DCAF10: variants seen among roughly 807,000 people sequenced by gnomAD.
The protein encoded by DCAF10 is DDB1 and CUL4 associated factor 10, also known as DDB1- and CUL4-associated factor 10.
A neutral mutation model predicts 51.9 loss-of-function variants in DCAF10; 19 were observed. The ratio of observed to expected loss-of-function variants is 0.37; its 90% CI spans 0.26 to 0.54. DCAF10 has a LOEUF of 0.54. Ranked by LOEUF, DCAF10 falls within the 20% of genes least tolerant of loss-of-function variation. The pLI, the probability that DCAF10 is intolerant of heterozygous loss-of-function variation, is 0.87. For missense variants in DCAF10, 510 were observed against 730.6 expected (o/e 0.70, Z 3.48); for synonymous variants, 291 against 297.1 (o/e 0.98, Z 0.21).
chr9:37,807,791 T>G (rs1829167484), intron 1 of DCAF10, among the ~76,000 whole-genome samples: 1 of 151,594 alleles, frequency 6.6e-6, no homozygotes, highest in South Asian at 2.1e-4. Context: ...GCCTCCCAAG[T>G]AGCCGGGATT....
At chr9:37,838,465 A>T (rs911026006) in intron 2 of DCAF10, among the ~76,000 whole-genome samples, 1 of 152,192 alleles carries the variant, frequency 6.6e-6, no homozygotes, top group African/African-American at 2.4e-5. Flanking sequence ...ACTTAGCAAT[A>T]TGTTTTTCTG....
intron 2 of DCAF10, among the ~76,000 whole-genome samples, chr9:37,835,785 A>G (rs762592156): frequency 5.9e-5 from 9 of 152,244 alleles, no homozygotes; most frequent in Non-Finnish European, 1.2e-4. Context: ...TAAATCTATA[A>G]GGGAAAGATG....
chr9:37,811,455 C>T (rs1368014875), intron 1 of DCAF10, among the ~76,000 whole-genome samples: 1 of 152,046 alleles, frequency 6.6e-6, no homozygotes, highest in Admixed American at 6.6e-5. Context: ...AGAAAATCAG[C>T]AAACAATAGA....
At chr9:37,816,472 C>G (rs1257825457) in intron 1 of DCAF10, among the ~76,000 whole-genome samples, 1 of 152,164 alleles carries the variant, frequency 6.6e-6, no homozygotes, top group Non-Finnish European at 1.5e-5. Context: ...TGCCTGTAAT[C>G]CCAGCTACTT....
intron 2 of DCAF10, among the ~76,000 whole-genome samples, chr9:37,835,322 T>TA (rs1830126174): frequency 1.3e-5 from 2 of 152,062 alleles, no homozygotes; most frequent in Non-Finnish European, 2.9e-5. Flanking sequence ...CTCACGCTTG[T>TA]AATCCCAGCA....
Position 37,800,864 on chromosome 9 carries a change from A to G in DCAF10, c.-3A>G, listed in dbSNP as rs1192721967. The G allele has an allele frequency of 4.7e-6, 7 of 1,490,724 alleles. No individual in the cohort carries two copies. Among genetic ancestry groups the G allele is most frequent in the Non-Finnish European group, 6.2e-6 (7 of 1,127,114 alleles). 92.3% of individuals were successfully genotyped at this position (1,490,724 alleles called of 1,614,324 possible). A position where few individuals can be genotyped will look rare whatever the true frequency, so the allele number is the denominator to read the frequency against. On this transcript the variant is annotated 5_prime_UTR_variant, in exon 1 of 7. Transcript: ENST00000377724. The stretch of plus-strand genomic sequence containing the variant: ...CCCGGAGCGGGGGGCGGGGGCGTTG[A>G]TCATGTTTCCCTTTGGGCCCCATAG...
At position 37,800,884 on chromosome 9, in the gene DCAF10, C is replaced by T; in HGVS notation, c.18C>T (p.Pro6=). 2 of 1,497,792 alleles carry T rather than the reference C, an allele frequency of 1.3e-6. No individual in the cohort carries two copies. The highest frequency in any genetic ancestry group is 1.3e-5 in the South Asian group (1 of 77,786). The allele number at this position is 1,497,792 out of a possible 1,614,324, so 92.8% of individuals were successfully genotyped here. A position where few individuals can be genotyped will look rare whatever the true frequency, so the allele number is the denominator to read the frequency against. The change falls in exon 1 of 7, where the codon CCC becomes CCT. Residue 6 remains proline, a synonymous_variant. Transcript: ENST00000377724. ...CGTTGATCATGTTTCCCTTTGGGCCCCATAGCCCTGGAGGGGACGGATCGG... is the reference window on the plus strand; with the variant it reads ...CGTTGATCATGTTTCCCTTTGGGCCTCATAGCCCTGGAGGGGACGGATCGG... The part of the protein sequence containing the change: MFPFG[P]HSPGGDGSAG...
intron 5 of DCAF10, among the ~76,000 whole-genome samples, chr9:37,859,754 T>G (rs552127661): frequency 6.6e-6 from 1 of 152,274 alleles, no homozygotes; most frequent in Admixed American, 6.5e-5. Flanking sequence ...AGATGTAAGA[T>G]CCAAATAAAA....
chr9:37,823,192 CTA>C (rs1829757347), intron 2 of DCAF10, among the ~76,000 whole-genome samples: 1 of 152,074 alleles, frequency 6.6e-6, no homozygotes, highest in African/African-American at 2.4e-5. Context: ...TGGTAGAAAA[CTA>C]AATTTTTGAA....
chr9:37,811,454 G>C (rs1321754548), intron 1 of DCAF10, among the ~76,000 whole-genome samples: 1 of 152,046 alleles, frequency 6.6e-6, no homozygotes, highest in Admixed American at 6.6e-5. Flanking sequence ...AAGAAAATCA[G>C]CAAACAATAG....
intron 2 of DCAF10, chr9:37,836,223 G>C (rs1490923199): frequency 1.6e-5 from 25 of 1,524,460 alleles, no homozygotes; most frequent in Non-Finnish European, 2.1e-5. Flanking sequence ...CAGATGTTTA[G>C]AGTTAGAACA....
At chr9:37,821,919 AAAC>A (rs1179616329) in intron 2 of DCAF10, among the ~76,000 whole-genome samples, 6 of 152,210 alleles carry the variant, frequency 3.9e-5, no homozygotes, top group African/African-American at 1.2e-4. Context: ...AGTAAAAAAA[AAAC>A]AACAATCAAT....
At chr9:37,814,121 T>TATATATATAA (rs1829449180) in intron 1 of DCAF10, among the ~76,000 whole-genome samples, 1 of 87,488 alleles carries the variant, frequency 1.1e-5, no homozygotes, top group African/African-American at 4.6e-5. Flanking sequence ...TATATATATA[T>TATATATATAA]ATATATTTGT....
chr9:37,815,099 A>C (rs1829486573), intron 1 of DCAF10, among the ~76,000 whole-genome samples: 1 of 152,212 alleles, frequency 6.6e-6, no homozygotes, highest in Non-Finnish European at 1.5e-5. Context: ...AAATGCTGAA[A>C]AATCTCTTAC....
At position 37,829,038 on chromosome 9, in the gene DCAF10, T is replaced by C. The variant is rs1829934359; in HGVS notation, c.653+9637T>C. ...ATTGTAACCAAACGCATCATAATAA[T>C]GTGAGAAGATAGGCTATAGTTGGTG... On this transcript the variant is annotated intron_variant, in intron 2 of 6. Coordinates refer to ENST00000377724, the MANE Select transcript of DCAF10 (RefSeq NM_024345.5). This position sits in a 1 kb window ranked among gnomAD's most constrained non-coding sequence, Gnocchi z 4.2. Among the ~76,000 whole-genome samples, 1 of 152,220 alleles carries C rather than the reference T, an allele frequency of 6.6e-6. No individual in the cohort carries two copies. The highest frequency in any genetic ancestry group is 1.5e-5 in the Non-Finnish European group (1 of 68,044).
At chr9:37,811,147 T>C (rs1345533855) in intron 1 of DCAF10, among the ~76,000 whole-genome samples, 1 of 151,848 alleles carries the variant, frequency 6.6e-6, no homozygotes, top group Non-Finnish European at 1.5e-5. Flanking sequence ...CTGAGCAACA[T>C]AGTGAGAGAT....
chr9:37,810,914 C>T (rs1829325284), intron 1 of DCAF10, among the ~76,000 whole-genome samples: 1 of 152,150 alleles, frequency 6.6e-6, no homozygotes, highest in Non-Finnish European at 1.5e-5. Context: ...CGACAGTACT[C>T]ATGGGGACTA....
chr9:37,856,520 C>A (rs563525091), intron 4 of DCAF10, among the ~76,000 whole-genome samples: 3 of 152,284 alleles, frequency 2.0e-5, no homozygotes, highest in South Asian at 2.1e-4. Flanking sequence ...AGTAAGAATT[C>A]TTAACATAGG....
chr9:37,861,139 G>A lies in DCAF10; in HGVS notation c.1312-1G>A. On this transcript the variant is annotated splice_acceptor_variant, in intron 6 of 6. Coordinates refer to ENST00000377724, the MANE Select transcript of DCAF10 (RefSeq NM_024345.5). LOFTEE classifies it high-confidence loss of function. This position sits in a 1 kb window ranked among gnomAD's most constrained non-coding sequence, Gnocchi z 4.9. ...GGTTTGTCTCCCTTCTCTCCCCCTA[G>A]TGTACTTGTGTCTATGAATTCCAAG... 6.3e-7 allele frequency: 1 copy of A among 1,596,362 alleles called. No homozygotes were observed. The highest frequency in any genetic ancestry group is 8.6e-7 in the Non-Finnish European group (1 of 1,165,542).
Sources: gnomAD v4.1 joint callset for allele counts (sites outside exome capture counted in the v4.1 genomes callset) on GRCh38, gnomAD v4.1.1 for gene constraint, Gnocchi (gnomAD v3.1) non-coding constraint, MANE v1.5 for transcripts, NCBI Gene and HGNC (gene_info 2026-07-23, HGNC 2026-07-21) for gene names.